PTPRG: variants seen among roughly 807,000 people sequenced by gnomAD.
The protein encoded by PTPRG is protein tyrosine phosphatase receptor type G, also known as receptor-type tyrosine-protein phosphatase gamma.
A neutral mutation model predicts 165.3 loss-of-function variants in PTPRG; 102 were observed. The ratio of observed to expected loss-of-function variants is 0.62; its 90% confidence interval spans 0.53 to 0.73. PTPRG has a LOEUF of 0.73. PTPRG is among the 30% of genes least tolerant of loss of function. The pLI is 0.00. For synonymous variants in PTPRG, 675 were observed against 669.5 expected (o/e 1.01, Z -0.13); for missense variants, 1,866 against 1,861.4 (o/e 1.00, Z -0.05).
chr3:61,902,217 G>C (rs1313716827), intron 2 of PTPRG, among the ~76,000 whole-genome samples: 3 of 152,318 alleles, frequency 2.0e-5, no homozygotes, highest in African/African-American at 7.2e-5. Flanking sequence ...AACTGAAAGG[G>C]TTGGGCATGA....
At chr3:62,148,819 G>C (rs1165695288) in intron 6 of PTPRG, among the ~76,000 whole-genome samples, 1 of 152,116 alleles carries the variant, frequency 6.6e-6, no homozygotes, top group Non-Finnish European at 1.5e-5. Flanking sequence ...TCTTCAGTGA[G>C]ATTTCCTCAC....
chr3:61,991,765 G>C (rs1559733200), intron 3 of PTPRG, among the ~76,000 whole-genome samples: 1 of 152,194 alleles, frequency 6.6e-6, no homozygotes, highest in East Asian at 1.9e-4. Flanking sequence ...CAATCACTGG[G>C]CTCTCTGATA....
chr3:61,568,919 A>G (rs1699991902), intron 1 of PTPRG, among the ~76,000 whole-genome samples: 1 of 152,104 alleles, frequency 6.6e-6, no homozygotes, highest in Non-Finnish European at 1.5e-5. Flanking sequence ...AAAAAAAAAA[A>G]AAAGATTCGT....
At chr3:62,021,172 A>G (rs903715777) in intron 4 of PTPRG, among the ~76,000 whole-genome samples, 5 of 152,222 alleles carry the variant, frequency 3.3e-5, no homozygotes, top group Non-Finnish European at 7.3e-5. Context: ...TTAGAAACGT[A>G]TAGTTTAGTG....
intron 1 of PTPRG, among the ~76,000 whole-genome samples, chr3:61,660,827 C>T (rs1391020377): frequency 1.3e-5 from 2 of 151,990 alleles, no homozygotes; most frequent in Non-Finnish European, 2.9e-5. Context: ...ATGTTGAAAC[C>T]CCATCTCTAC....
chr3:62,286,373 G>A (rs1162025364), intron 28 of PTPRG, among the ~76,000 whole-genome samples: 1 of 152,050 alleles, frequency 6.6e-6, no homozygotes, highest in Non-Finnish European at 1.5e-5. Context: ...AAAGGAAGCT[G>A]CATTTCTTCA....
intron 5 of PTPRG, among the ~76,000 whole-genome samples, chr3:62,081,461 A>G (rs1701578718): frequency 1.3e-5 from 2 of 152,008 alleles, no homozygotes; most frequent in African/African-American, 4.8e-5. Context: ...CTCCTGCAAC[A>G]GCCTCCTGAG....
chr3:62,104,468 G>A (rs1426552021), intron 5 of PTPRG, among the ~76,000 whole-genome samples: 1 of 152,174 alleles, frequency 6.6e-6, no homozygotes, highest in Non-Finnish European at 1.5e-5. Context: ...CTTGTTATCT[G>A]AAAATTGTCT....
chr3:62,161,554 C>T (rs752248410), intron 7 of PTPRG, among the ~76,000 whole-genome samples: 2 of 152,140 alleles, frequency 1.3e-5, no homozygotes, highest in African/African-American at 2.4e-5. Flanking sequence ...CAACACATGA[C>T]GTGCAGTGCA....
At chr3:61,591,308 C>T (rs1025092630) in intron 1 of PTPRG, among the ~76,000 whole-genome samples, 1 of 152,214 alleles carries the variant, frequency 6.6e-6, no homozygotes, top group Non-Finnish European at 1.5e-5. Flanking sequence ...GGGCAAGATT[C>T]AGTCTCCATT....
chr3:62,284,013 T>C (rs1228331926), intron 28 of PTPRG, among the ~76,000 whole-genome samples: 1 of 152,080 alleles, frequency 6.6e-6, no homozygotes, highest in Non-Finnish European at 1.5e-5. Context: ...ACTGGGGAGT[T>C]GCTACTGAAC....
intron 1 of PTPRG, among the ~76,000 whole-genome samples, chr3:61,662,510 A>C (rs1702693892): frequency 6.6e-6 from 1 of 152,194 alleles, no homozygotes; most frequent in South Asian, 2.1e-4. Context: ...AGCCAACTAA[A>C]CTGCTCTTAC....
At chr3:62,230,278 G>T (rs962243292) in intron 13 of PTPRG, among the ~76,000 whole-genome samples, 3 of 152,144 alleles carry the variant, frequency 2.0e-5, no homozygotes, top group Non-Finnish European at 4.4e-5. Context: ...ATTAGAGGAT[G>T]TTCATTCCTA....
At chr3:62,072,542 G>C (rs1293792159) in intron 4 of PTPRG, among the ~76,000 whole-genome samples, 1 of 151,984 alleles carries the variant, frequency 6.6e-6, no homozygotes, top group African/African-American at 2.4e-5. Context: ...GTGCCCTGGT[G>C]CAAGCAGTCT....
intron 2 of PTPRG, among the ~76,000 whole-genome samples, chr3:61,933,668 A>G (rs1304707504): frequency 7.4e-6 from 1 of 135,202 alleles, no homozygotes; most frequent in Non-Finnish European, 1.5e-5. Context: ...CTCAACATTG[A>G]CGGTGGCCAC....
chr3:61,734,704 A>T (rs960256426), intron 1 of PTPRG, among the ~76,000 whole-genome samples: 1 of 152,210 alleles, frequency 6.6e-6, no homozygotes, highest in African/African-American at 2.4e-5. Flanking sequence ...ACGTTAGTGT[A>T]TTTATTAAAA....
intron 5 of PTPRG, chr3:62,124,347 G>A (rs1703203574): frequency 1.2e-6 from 2 of 1,612,682 alleles, no homozygotes; most frequent in Admixed American, 3.3e-5. Flanking sequence ...TGGTGATGCA[G>A]GCTGACAATA....
At chr3:61,970,492 T>C in intron 2 of PTPRG, among the ~76,000 whole-genome samples, 1 of 152,210 alleles carries the variant, frequency 6.6e-6, no homozygotes, top group East Asian at 1.9e-4. Context: ...TTATAAGTAA[T>C]ACTTGACAAA....
At position 62,157,196 on chromosome 3, in the gene PTPRG, G is replaced by A. The variant is rs764224575; in HGVS notation, c.812G>A (p.Arg271Gln). ...CSEIVEWIVF[R>Q]RPVPISYHQL... ...GAAATAGTGGAGTGGATAGTCTTCC[G>A]GAGACCCGTCCCCATCTCTTACCAT... Residue 271 changes from arginine to glutamine, a missense_variant, in exon 7 of 30, where the codon CGG (arginine) becomes CAG (glutamine). Arg to Gln is a conservative substitution (Grantham distance 43, BLOSUM62 1). Around this residue, in one of 3 missense-constraint regions of PTPRG, gnomAD observed 408 missense variants for 376.2 expected, o/e 1.08. Coordinates refer to ENST00000474889, the MANE Select transcript of PTPRG (RefSeq NM_002841.4). 18 of 1,613,804 alleles carry A rather than the reference G, an allele frequency of 1.1e-5. No homozygotes were observed. The Admixed American group carries it at 1.2e-4, about 10-fold the overall frequency.
Sources: allele counts gnomAD v4.1 joint callset (sites outside exome capture counted in the v4.1 genomes callset), GRCh38; gene constraint gnomAD v4.1.1; regional missense constraint gnomAD v4.1.1; transcripts MANE v1.5; gene names NCBI Gene and HGNC (gene_info 2026-07-23, HGNC 2026-07-21).